The following FAM117B variants were observed in gnomAD, a reference collection of about 807,000 sequenced individuals.
FAM117B encodes family with sequence similarity 117 member B.
A neutral mutation model predicts 52.8 loss-of-function variants in FAM117B; 22 were observed. The ratio of observed to expected loss-of-function variants is 0.42; its 90% CI spans 0.30 to 0.59. The LOEUF is 0.59. FAM117B is among the 20% of genes least tolerant of loss of function. The probability of loss-of-function intolerance (pLI) is 0.22; values close to 1 mark genes in which losing one functional copy is unlikely to be tolerated. For missense variants in FAM117B, 678 were observed against 802.6 expected (o/e 0.84, Z 1.88); for synonymous variants, 309 against 324.1 (o/e 0.95, Z 0.50).
At chr2:202,717,206 CACCTTTA>C (rs1691070808) in intron 2 of FAM117B, among the ~76,000 whole-genome samples, 1 of 152,184 alleles carries the variant, frequency 6.6e-6, no homozygotes, top group African/African-American at 2.4e-5. Flanking sequence ...CAGTGGCTGA[CACCTTTA>C]ACTCTCCAGC....
At chr2:202,734,174 A>G (rs527981261) in intron 4 of FAM117B, among the ~76,000 whole-genome samples, 2 of 152,244 alleles carry the variant, frequency 1.3e-5, no homozygotes, top group South Asian at 2.1e-4. Context: ...TGCTTTTGGT[A>G]TGATTTGAAA....
At chr2:202,729,368 TGTAAACA>T (rs957792712) in intron 4 of FAM117B, among the ~76,000 whole-genome samples, 32 of 152,184 alleles carry the variant, frequency 2.1e-4, no homozygotes, top group African/African-American at 7.2e-4. Context: ...ACTCTTAGGC[TGTAAACA>T]TGAAAATAAT....
chr2:202,642,344 A>AATATATATATATATATATATAT (rs59347439), intron 1 of FAM117B, among the ~76,000 whole-genome samples: 99 of 142,584 alleles, frequency 6.9e-4, no homozygotes, highest in African/African-American at 2.5e-3. Flanking sequence ...GAATAAATAG[A>AATATATATATATATATATATAT]ATATATATAT....
intron 4 of FAM117B, among the ~76,000 whole-genome samples, chr2:202,741,542 ATT>A (rs537438850): frequency 1.4e-5 from 2 of 143,602 alleles, no homozygotes; most frequent in Non-Finnish European, 3.0e-5. Context: ...ATGAAAAAAA[ATT>A]TTTTTTTTTT....
intron 1 of FAM117B, among the ~76,000 whole-genome samples, chr2:202,638,503 AACGCTCCCCT>A (rs1689719848): frequency 6.6e-6 from 1 of 152,040 alleles, no homozygotes; most frequent in Non-Finnish European, 1.5e-5. Context: ...ATGGTTTTTG[AACGCTCCCCT>A]TCCCTAGATC....
chr2:202,683,396 G>A (rs1291179393), intron 1 of FAM117B, among the ~76,000 whole-genome samples: 1 of 152,020 alleles, frequency 6.6e-6, no homozygotes, highest in Non-Finnish European at 1.5e-5. Context: ...ATCACAGGCA[G>A]GTTCTTAGAA....
At chr2:202,702,384 C>T (rs1239685861) in intron 2 of FAM117B, among the ~76,000 whole-genome samples, 3 of 151,952 alleles carry the variant, frequency 2.0e-5, no homozygotes, top group Non-Finnish European at 2.9e-5. Context: ...GAGTGAGACT[C>T]TGTCTCAGAA....
intron 7 of FAM117B, among the ~76,000 whole-genome samples, chr2:202,762,587 C>T (rs1303219517): frequency 2.0e-5 from 3 of 152,090 alleles, no homozygotes; most frequent in African/African-American, 7.2e-5. Context: ...TTAAAAACAG[C>T]GTGAGTTTTT....
At chr2:202,680,023 C>G (rs925900476) in intron 1 of FAM117B, among the ~76,000 whole-genome samples, 2 of 151,844 alleles carry the variant, frequency 1.3e-5, no homozygotes, top group South Asian at 4.2e-4. Context: ...AAGAACTGAT[C>G]AAAATTTCTA....
At chr2:202,703,437 C>T (rs951233573) in intron 2 of FAM117B, among the ~76,000 whole-genome samples, 6 of 152,204 alleles carry the variant, frequency 3.9e-5, no homozygotes, top group African/African-American at 9.7e-5. Flanking sequence ...ATTACAGCCT[C>T]GACCTCCTGG....
At chr2:202,656,579 ATTTCT>A (rs373767253) in intron 1 of FAM117B, among the ~76,000 whole-genome samples, 1 of 152,078 alleles carries the variant, frequency 6.6e-6, no homozygotes, top group African/African-American at 2.4e-5. Context: ...ACCTTATTTT[ATTTCT>A]TTTCTTCTAA....
intron 4 of FAM117B, among the ~76,000 whole-genome samples, chr2:202,750,280 G>A (rs1305844700): frequency 1.3e-5 from 2 of 152,096 alleles, no homozygotes; most frequent in African/African-American, 4.8e-5. Flanking sequence ...AGAGGCTGAG[G>A]CTGTCTGATT....
intron 1 of FAM117B, among the ~76,000 whole-genome samples, chr2:202,693,111 A>G (rs1277515956): frequency 6.6e-6 from 1 of 152,196 alleles, no homozygotes; most frequent in Non-Finnish European, 1.5e-5. Flanking sequence ...TAATATAGAT[A>G]TTTTTGTATT....
At chr2:202,644,058 T>G (rs1242897367) in intron 1 of FAM117B, among the ~76,000 whole-genome samples, 2 of 135,050 alleles carry the variant, frequency 1.5e-5, no homozygotes, top group African/African-American at 5.8e-5. Flanking sequence ...GAGCTGTTTT[T>G]TTTTTGTTTT....
At chr2:202,734,884 T>C (rs368205223) in intron 4 of FAM117B, among the ~76,000 whole-genome samples, 2 of 152,246 alleles carry the variant, frequency 1.3e-5, no homozygotes, top group East Asian at 1.9e-4. Context: ...ATAGAAATTT[T>C]AGAAGCTAAG....
chr2:202,740,359 C>CAAAA (rs769846441), intron 4 of FAM117B, among the ~76,000 whole-genome samples: 1 of 65,548 alleles, frequency 1.5e-5, no homozygotes, highest in African/African-American at 5.0e-5. Context: ...GACTCTGCCT[C>CAAAA]AAAAAAAAAA....
At chr2:202,754,440 G>A (rs1331760069) in intron 4 of FAM117B, among the ~76,000 whole-genome samples, 1 of 152,024 alleles carries the variant, frequency 6.6e-6, no homozygotes. Context: ...TATGGCACAC[G>A]TGTACCTTTG....
Position 202,766,102 on chromosome 2 carries a change from A to ACACC in FAM117B, c.*341_*342insCCAC, listed in dbSNP as rs747027891. On this transcript the variant is annotated 3_prime_UTR_variant, in exon 8 of 8. Transcript: ENST00000392238. ...CACACACACACACACACACACACAC[A>ACACC]CACACCCCTGATCCTTGCCAACATG... 0.067 allele frequency: 12,873 copies of ACACC among 191,006 alleles called. 553 individuals carry two copies. The highest frequency in any genetic ancestry group is 0.083 in the Non-Finnish European group (7,781 of 93,508). The allele number at this position is 191,006 out of a possible 1,614,324, so 11.8% of individuals were successfully genotyped here.
intron 1 of FAM117B, among the ~76,000 whole-genome samples, chr2:202,649,362 A>G (rs1689921798): frequency 6.6e-6 from 1 of 152,126 alleles, no homozygotes; most frequent in Non-Finnish European, 1.5e-5. Flanking sequence ...TGGTTGTGCT[A>G]GAGCACTGCT....
Sources: gnomAD v4.1 joint callset for allele counts (sites outside exome capture counted in the v4.1 genomes callset) on GRCh38, gnomAD v4.1.1 for gene constraint, MANE v1.5 for transcripts, NCBI Gene and HGNC (gene_info 2026-07-23, HGNC 2026-07-21) for gene names.